PTPRM: variants seen among roughly 807,000 people sequenced by gnomAD.
The protein encoded by PTPRM is protein tyrosine phosphatase receptor type M.
PTPRM carries 47 observed loss-of-function variants against 186.7 expected under a neutral mutation model. The ratio of observed to expected loss-of-function variants is 0.25; its 90% CI spans 0.20 to 0.32. The LOEUF (loss-of-function observed/expected upper bound fraction) is 0.32. PTPRM is among the 10% of genes least tolerant of loss of function. PTPRM has a pLI of 1.00. For missense variants in PTPRM, 1,494 were observed against 1,865.0 expected, an observed-to-expected ratio of 0.80 and a Z score of 3.66; for synonymous variants, 668 against 674.9, an observed-to-expected ratio of 0.99 and a Z score of 0.16.
chr18:7,854,731 GTTTT>G (rs10541123), intron 2 of PTPRM, among the ~76,000 whole-genome samples: 4 of 141,952 alleles, frequency 2.8e-5, no homozygotes, highest in African/African-American at 2.6e-5. Flanking sequence ...AATGTTAGGA[GTTTT>G]TTTTTTTTTT....
At chr18:8,277,383 A>AG (rs2094848808) in intron 19 of PTPRM, among the ~76,000 whole-genome samples, 2 of 152,202 alleles carry the variant, frequency 1.3e-5, no homozygotes, top group African/African-American at 4.8e-5. Context: ...AGTCAGACTT[A>AG]CCTAGTGTTG....
At chr18:8,101,473 GTTC>G (rs1220057027) in intron 11 of PTPRM, among the ~76,000 whole-genome samples, 3 of 152,168 alleles carry the variant, frequency 2.0e-5, no homozygotes, top group Non-Finnish European at 4.4e-5. Flanking sequence ...CCTCAGTTAT[GTTC>G]TTCTTAGCAG....
intron 1 of PTPRM, among the ~76,000 whole-genome samples, chr18:7,729,656 T>C (rs570015712): frequency 1.3e-5 from 2 of 152,328 alleles, no homozygotes; most frequent in South Asian, 4.1e-4. Flanking sequence ...TTACTTGCCA[T>C]ATTGTCAGTT....
intron 1 of PTPRM, among the ~76,000 whole-genome samples, chr18:7,704,482 G>A (rs2040032836): frequency 6.6e-6 from 1 of 152,120 alleles, no homozygotes; most frequent in Non-Finnish European, 1.5e-5. Flanking sequence ...AATATTCTCT[G>A]ATGGTAGTTT....
chr18:8,158,633 C>T (rs1163385862), intron 14 of PTPRM, among the ~76,000 whole-genome samples: 2 of 152,076 alleles, frequency 1.3e-5, no homozygotes, highest in African/African-American at 4.8e-5. Flanking sequence ...TAAACGAATA[C>T]CTGAGAGTGG....
intron 24 of PTPRM, among the ~76,000 whole-genome samples, chr18:8,373,886 G>GAAA (rs563237434): frequency 7.7e-6 from 1 of 129,690 alleles, no homozygotes; most frequent in African/African-American, 2.8e-5. Flanking sequence ...CCCTGTCTCG[G>GAAA]AAAAAAAAAA....
chr18:8,272,956 G>T (rs2094790560), intron 19 of PTPRM, among the ~76,000 whole-genome samples: 1 of 152,102 alleles, frequency 6.6e-6, no homozygotes, highest in Admixed American at 6.5e-5. Flanking sequence ...ATTAAGCACT[G>T]ATAGAATTAT....
chr18:7,827,962 A>G (rs2045571089), intron 2 of PTPRM, among the ~76,000 whole-genome samples: 1 of 152,226 alleles, frequency 6.6e-6, no homozygotes, highest in African/African-American at 2.4e-5. Context: ...GCCCATGACC[A>G]CAGGCGGTTC....
intron 14 of PTPRM, among the ~76,000 whole-genome samples, chr18:8,237,739 C>T (rs1246215751): frequency 1.3e-5 from 2 of 152,132 alleles, no homozygotes. Flanking sequence ...AGCCACCGCA[C>T]CTGGCCCAGA....
intron 2 of PTPRM, among the ~76,000 whole-genome samples, chr18:7,887,259 G>T (rs185157393): frequency 2.6e-5 from 4 of 152,054 alleles, no homozygotes; most frequent in African/African-American, 7.2e-5. Context: ...TATGGGGAAG[G>T]CTCAAGTGCT....
chr18:7,593,343 A>G (rs1303364114), intron 1 of PTPRM, among the ~76,000 whole-genome samples: 1 of 152,208 alleles, frequency 6.6e-6, no homozygotes, highest in Non-Finnish European at 1.5e-5. Context: ...ACTTGAGCGG[A>G]AAGTAATTGC....
intron 1 of PTPRM, among the ~76,000 whole-genome samples, chr18:7,688,665 T>C (rs971927098): frequency 6.6e-6 from 1 of 152,188 alleles, no homozygotes; most frequent in Non-Finnish European, 1.5e-5. Context: ...TCCAGGCCCT[T>C]TCCAGGGATT....
chr18:7,949,428 T>G, intron 6 of PTPRM, 73 bp downstream of exon 6: 1 of 1,308,518 alleles, frequency 7.6e-7, no homozygotes. Flanking sequence ...TCATTATCCC[T>G]TTAAAGCTCA....
intron 1 of PTPRM, among the ~76,000 whole-genome samples, chr18:7,734,454 T>TTA (rs1290808635): frequency 6.6e-6 from 1 of 152,228 alleles, no homozygotes; most frequent in Non-Finnish European, 1.5e-5. Context: ...GAGTTTAATG[T>TTA]TATAATTAAG....
chr18:7,874,862 C>G (rs1271336099), intron 2 of PTPRM, among the ~76,000 whole-genome samples: 1 of 152,160 alleles, frequency 6.6e-6, no homozygotes, highest in Non-Finnish European at 1.5e-5. Context: ...GCTGAAAACA[C>G]TAGGAGAAAC....
At chr18:7,613,758 G>A (rs1159902556) in intron 1 of PTPRM, among the ~76,000 whole-genome samples, 2 of 152,144 alleles carry the variant, frequency 1.3e-5, no homozygotes, top group African/African-American at 4.8e-5. Context: ...TGATTCCAGT[G>A]CAAGGAAAAG....
chr18:8,275,258 G>A (rs564702741), intron 19 of PTPRM, among the ~76,000 whole-genome samples: 4 of 152,026 alleles, frequency 2.6e-5, no homozygotes, highest in African/African-American at 9.6e-5. Context: ...GGGCAACATA[G>A]TGAGACCCCG....
chr18:7,994,159 G>A (rs1047129924), intron 7 of PTPRM, among the ~76,000 whole-genome samples: 8 of 151,926 alleles, frequency 5.3e-5, no homozygotes, highest in Non-Finnish European at 1.0e-4. Context: ...AAAGTCTTCA[G>A]TAGTTACTAT....
chr18:8,336,271 T>C (rs148306355), intron 22 of PTPRM, among the ~76,000 whole-genome samples: 2 of 151,942 alleles, frequency 1.3e-5, no homozygotes, highest in Non-Finnish European at 2.9e-5. Context: ...TGAAAGACTA[T>C]TGTGAGGCTG....
Sources: allele counts gnomAD v4.1 joint callset (sites outside exome capture counted in the v4.1 genomes callset), GRCh38; gene constraint gnomAD v4.1.1; transcripts MANE v1.5; gene names NCBI Gene and HGNC (gene_info 2026-07-23, HGNC 2026-07-21).